The following NFYC variants were observed in gnomAD, a reference collection of about 807,000 sequenced individuals.
NFYC encodes nuclear transcription factor Y subunit gamma.
In NFYC, 25 loss-of-function variants were observed where a neutral mutation model predicts 53.1. The ratio of observed to expected loss-of-function variants is 0.47; its 90% CI spans 0.34 to 0.66. The LOEUF (loss-of-function observed/expected upper bound fraction) is 0.66. Ranked by LOEUF, NFYC falls within the 30% of genes least tolerant of loss-of-function variation. The pLI, the probability that NFYC is intolerant of heterozygous loss-of-function variation, is 0.01. For missense variants in NFYC, 260 were observed against 422.7 expected (o/e 0.62, Z 3.38); for synonymous variants, 145 against 152.6 (o/e 0.95, Z 0.37).
rs1426146550 is a variant in NFYC, at chr1:40,691,712, C to T, written c.-164C>T. On this transcript the variant is annotated 5_prime_UTR_variant, in exon 1 of 10. Transcript: ENST00000447388. ...GGAAAAGGGGAAACGGTGCAAACGGCGTGGCCGCCATCTTGCTTGTGCCCC... is the reference window on the plus strand; with the variant it reads ...GGAAAAGGGGAAACGGTGCAAACGGTGTGGCCGCCATCTTGCTTGTGCCCC... 1.8e-5 allele frequency: 8 copies of T among 453,594 alleles called. No homozygotes were observed. The highest frequency in any genetic ancestry group is 6.2e-5 in the South Asian group (4 of 64,208). 28.1% of individuals were successfully genotyped at this position (453,594 alleles called of 1,614,324 possible).
At chr1:40,748,200 C>G (rs145321094) in intron 3 of NFYC, among the ~76,000 whole-genome samples, 328 of 152,150 alleles carry the variant, frequency 2.2e-3, no homozygotes, top group Middle Eastern at 3.4e-3. Flanking sequence ...GGCATAATCA[C>G]GGCTCACTGT....
At chr1:40,717,469 A>G (rs1489264121) in intron 1 of NFYC, among the ~76,000 whole-genome samples, 1 of 152,194 alleles carries the variant, frequency 6.6e-6, no homozygotes, top group East Asian at 1.9e-4. Context: ...GTTAGCCTAC[A>G]TCTTCCTCGC....
At chr1:40,757,328 G>A (rs745756321) in intron 5 of NFYC, 4 of 534,248 alleles carry the variant, frequency 7.5e-6, no homozygotes, top group African/African-American at 5.8e-5. Flanking sequence ...TCAGCTGTGA[G>A]CTCAAGGTGG....
At chr1:40,767,260 T>G in intron 8 of NFYC, 1 of 396,252 alleles carries the variant, frequency 2.5e-6, no homozygotes, top group East Asian at 5.2e-5. Context: ...TTGCAGAAGA[T>G]GGGGGGTGCT....
At position 40,704,153 on chromosome 1, in the gene NFYC, C is replaced by A. The variant is rs565905841; in HGVS notation, c.-9+12286C>A. 3.9e-5 allele frequency among the ~76,000 whole-genome samples: 6 copies of A among 151,932 alleles called. No individual in the cohort carries two copies. In the South Asian group the frequency reaches 1.0e-3, roughly 26 times the overall value. On this transcript the variant is annotated intron_variant, in intron 1 of 9. Coordinates refer to ENST00000447388, the MANE Select transcript of NFYC (RefSeq NM_014223.5). The stretch of plus-strand genomic sequence containing the variant: ...GTGGCGCGATCTCTGCTCACTGCAA[C>A]CTCCACCTCCCAGGTTCAAGCAGTT...
At chr1:40,767,014 C>A in intron 8 of NFYC, 3 of 1,534,540 alleles carry the variant, frequency 2.0e-6, no homozygotes, top group South Asian at 1.2e-5. Flanking sequence ...TTCGACAGAT[C>A]GCCTGATCGT....
intron 1 of NFYC, among the ~76,000 whole-genome samples, chr1:40,698,584 C>T (rs1316313385): frequency 6.6e-6 from 1 of 151,528 alleles, no homozygotes; most frequent in African/African-American, 2.4e-5. Flanking sequence ...CGTGCCACCA[C>T]ACCTGGCTAA....
chr1:40,766,907 T>C (rs1557939530), intron 8 of NFYC: 4 of 1,552,122 alleles, frequency 2.6e-6, no homozygotes, highest in Non-Finnish European at 3.5e-6. Flanking sequence ...TCTTACCATC[T>C]TGTTCTCAAG....
At chr1:40,763,465 G>A (rs1284291143) in intron 7 of NFYC, 3 of 450,800 alleles carry the variant, frequency 6.7e-6, no homozygotes, top group African/African-American at 6.0e-5. Flanking sequence ...TCCTGCCTCA[G>A]CCTCCCGAGT....
At chr1:40,742,616 A>G (rs1424274405) in intron 2 of NFYC, among the ~76,000 whole-genome samples, 1 of 152,206 alleles carries the variant, frequency 6.6e-6, no homozygotes. Context: ...TACTTTTGAA[A>G]GGGACTCCTA....
At chr1:40,705,101 T>A (rs909846263) in intron 1 of NFYC, among the ~76,000 whole-genome samples, 1 of 152,246 alleles carries the variant, frequency 6.6e-6, no homozygotes, top group African/African-American at 2.4e-5. Flanking sequence ...GGCTCTCTGG[T>A]ATACATGGTG....
intron 6 of NFYC, among the ~76,000 whole-genome samples, chr1:40,758,801 G>A (rs1646374153): frequency 6.6e-6 from 1 of 152,198 alleles, no homozygotes; most frequent in Non-Finnish European, 1.5e-5. Context: ...CAGTAGTAGT[G>A]TTAAGAGCAG....
chr1:40,703,676 G>C (rs1028843153), intron 1 of NFYC, among the ~76,000 whole-genome samples: 1 of 151,832 alleles, frequency 6.6e-6, no homozygotes, highest in Admixed American at 6.6e-5. Context: ...TTATGCTTTG[G>C]GGATATATGT....
chr1:40,732,993 A>T (rs969187154), intron 1 of NFYC, among the ~76,000 whole-genome samples: 2 of 146,338 alleles, frequency 1.4e-5, no homozygotes, highest in African/African-American at 5.1e-5. Flanking sequence ...GTCAGGGCCA[A>T]GCTTTCCAAG....
At chr1:40,704,975 G>T (rs537371108) in intron 1 of NFYC, among the ~76,000 whole-genome samples, 6 of 152,162 alleles carry the variant, frequency 3.9e-5, no homozygotes, top group Non-Finnish European at 7.3e-5. Context: ...AACCTTAACC[G>T]TCTATAAATC....
intron 1 of NFYC, among the ~76,000 whole-genome samples, chr1:40,737,845 A>G (rs1645122912): frequency 6.6e-6 from 1 of 151,932 alleles, no homozygotes; most frequent in South Asian, 2.1e-4. Context: ...CAGGAGCCCC[A>G]GAGAAACAGG....
At chr1:40,758,090 C>T (rs1196122791) in intron 5 of NFYC, 31 bp from the exon 6 acceptor site, 2 of 1,610,618 alleles carry the variant, frequency 1.2e-6, no homozygotes, top group South Asian at 1.1e-5. Context: ...TGGTTCTTTT[C>T]CTCTTACCTG....
intron 1 of NFYC, among the ~76,000 whole-genome samples, chr1:40,700,423 C>A (rs923009289): frequency 4.6e-5 from 7 of 152,116 alleles, no homozygotes; most frequent in Admixed American, 2.0e-4. Context: ...CTCAATGCAA[C>A]CTCAAACTTC....
At chr1:40,769,622 A>G (rs1289071601) in intron 9 of NFYC, among the ~76,000 whole-genome samples, 1 of 152,182 alleles carries the variant, frequency 6.6e-6, no homozygotes, top group Non-Finnish European at 1.5e-5. Flanking sequence ...AATCTTAGAC[A>G]TGTAGCCCAA....
Sources: allele counts gnomAD v4.1 joint callset (sites outside exome capture counted in the v4.1 genomes callset), GRCh38; gene constraint gnomAD v4.1.1; transcripts MANE v1.5; gene names NCBI Gene and HGNC (gene_info 2026-07-23, HGNC 2026-07-21).